Variants in CAND1 observed in about 807,000 individuals in gnomAD.
The protein encoded by CAND1 is cullin-associated NEDD8-dissociated protein 1.
Under a neutral mutation model 108.5 loss-of-function variants are expected in CAND1, and 7 were observed. That is an observed-to-expected ratio of 0.06 (90% CI 0.04 to 0.12). The LOEUF is 0.12. Ranked by LOEUF, CAND1 falls within the 10% of genes least tolerant of loss-of-function variation. The pLI is 1.00. For synonymous variants in CAND1, 534 were observed against 512.0 expected (o/e 1.04, Z -0.58); for missense variants, 941 against 1,448.7 (o/e 0.65, Z 5.69).
intron 2 of CAND1, among the ~76,000 whole-genome samples, chr12:67,285,720 T>G (rs570438300): frequency 9.2e-5 from 14 of 152,342 alleles, no homozygotes; most frequent in African/African-American, 2.9e-4. Context: ...GTCACTATTA[T>G]TCACGTTTTA....
chr12:67,300,969 C>G (rs1204771018), intron 7 of CAND1, among the ~76,000 whole-genome samples: 1 of 151,954 alleles, frequency 6.6e-6, no homozygotes, highest in Non-Finnish European at 1.5e-5. Context: ...GACTTTTCTA[C>G]CATGGTGTTT....
In CAND1 at chr12:67,314,683, T is replaced by C. The variant is rs969838345; in HGVS notation, c.*1853T>C. The C allele has an allele frequency of 1.3e-5, 2 of 152,226 alleles. No individual in the cohort carries two copies. Among genetic ancestry groups the C allele is most frequent in the Non-Finnish European group, 2.9e-5 (2 of 68,034 alleles). 9.4% of individuals were successfully genotyped at this position (152,226 alleles called of 1,614,324 possible). A position where few individuals can be genotyped will look rare whatever the true frequency, so the allele number is the denominator to read the frequency against. On this transcript the variant is annotated 3_prime_UTR_variant, in exon 15 of 15. Transcript: ENST00000545606. The stretch of plus-strand genomic sequence containing the variant: ...GTTGGGTAAAGTTAAATCCAAATAC[T>C]TCAACTGGCTTTTTCTTCAGTTTGT...
rs750553582 is a variant in CAND1, at chr12:67,313,254, T to G, written c.*424T>G. The G allele has an allele frequency of 6.5e-6, 1 of 152,994 alleles. No individual in the cohort carries two copies. Among genetic ancestry groups the G allele is most frequent in the African/African-American group, 2.4e-5 (1 of 41,490 alleles). 9.5% of individuals were successfully genotyped at this position (152,994 alleles called of 1,614,324 possible). A position where few individuals can be genotyped will look rare whatever the true frequency, so the allele number is the denominator to read the frequency against. Reference sequence around the variant, plus strand: ...AAAACAAAAACCATGTTTCTTTTTCTTGTATAACTTTTTGTTTTCAGCAAC... The same window carrying G: ...AAAACAAAAACCATGTTTCTTTTTCGTGTATAACTTTTTGTTTTCAGCAAC... On this transcript the variant is annotated 3_prime_UTR_variant, in exon 15 of 15. Coordinates refer to ENST00000545606, the MANE Select transcript of CAND1 (RefSeq NM_018448.5).
rs1555183015 is a variant in CAND1, at chr12:67,302,484, G to C, written c.1162G>C (p.Glu388Gln). The C allele has an allele frequency of 6.2e-7, 1 of 1,614,136 alleles. No homozygotes were observed. Among genetic ancestry groups the C allele is most frequent in the Non-Finnish European group, 8.5e-7 (1 of 1,179,992 alleles). Residue 388 changes from glutamate to glutamine, a missense_variant, in exon 8 of 15, where the codon GAG becomes CAG. Glu to Gln is a conservative substitution (Grantham distance 29). Coordinates refer to ENST00000545606, the MANE Select transcript of CAND1 (RefSeq NM_018448.5). ...ALISRFKERE[E>Q]NVKADVFHAY... ...AATATCCAGATTTAAAGAGCGTGAAGAGAATGTAAAGGCAGATGTTTTTCA... is the reference window on the plus strand; with the variant it reads ...AATATCCAGATTTAAAGAGCGTGAACAGAATGTAAAGGCAGATGTTTTTCA...
intron 7 of CAND1, among the ~76,000 whole-genome samples, chr12:67,301,872 A>C (rs896215616): frequency 6.6e-6 from 1 of 152,094 alleles, no homozygotes; most frequent in African/African-American, 2.4e-5. Flanking sequence ...CACCTACTCT[A>C]TTACCACAAA....
rs140647661 is a variant in CAND1 at position 67,284,506 on chromosome 12, C to T, written c.212+2453C>T. Among the ~76,000 whole-genome samples, 445 of 152,088 alleles carry T rather than the reference C, an allele frequency of 2.9e-3. 3 individuals are homozygous for T. Among genetic ancestry groups the T allele is most frequent in the Non-Finnish European group, 5.4e-3 (370 of 67,990 alleles). ...ACATTGAATCTTGATTAAAACAAAA[C>T]GAACAAAAGCACTTAGTTTACTTAG... On this transcript the variant is annotated intron_variant, in intron 2 of 14. Coordinates refer to ENST00000545606, the MANE Select transcript of CAND1 (RefSeq NM_018448.5).
chr12:67,269,817 C>T (rs1417088048), intron 1 of CAND1, 32 bp downstream of exon 1: 2 of 1,574,986 alleles, frequency 1.3e-6, no homozygotes, highest in African/African-American at 1.4e-5. Flanking sequence ...CACCCCACCT[C>T]GGGGTTCTCG....
Position 67,306,513 on chromosome 12 carries a change from A to G in CAND1, c.2845A>G (p.Asn949Asp). The G allele has an allele frequency of 6.2e-7, 1 of 1,614,030 alleles. No individual in the cohort carries two copies. Among genetic ancestry groups the G allele is most frequent in the Non-Finnish European group, 8.5e-7 (1 of 1,179,926 alleles). Residue 949 changes from asparagine to aspartate, a missense_variant, in exon 10 of 15, where the codon AAT (asparagine) becomes GAT (aspartate). Coordinates refer to ENST00000545606, the MANE Select transcript of CAND1 (RefSeq NM_018448.5). ...HCECAEEGTR[N>D]VVAECLGKLT... ...TGAGTGTGCAGAGGAAGGAACCAGA[A>G]ATGTTGTTGCTGAATGTCTAGGAAA...
chr12:67,295,907 A>G (rs1366806405), intron 4 of CAND1, among the ~76,000 whole-genome samples: 1 of 152,154 alleles, frequency 6.6e-6, no homozygotes, highest in East Asian at 1.9e-4. Flanking sequence ...CTGGGAGCAT[A>G]GTGTGTTTTG....
chr12:67,288,277 C>T lies in CAND1; in HGVS notation c.213-4345C>T, dbSNP rs964171996. On this transcript the variant is annotated intron_variant, in intron 2 of 14. Coordinates refer to ENST00000545606, the MANE Select transcript of CAND1 (RefSeq NM_018448.5). The stretch of plus-strand genomic sequence containing the variant: ...CCAAGTAACTGTGGTTACAGGCGCA[C>T]ACCATCTCACTTGGCTAATTTTTGT... 2.6e-5 allele frequency among the ~76,000 whole-genome samples: 4 copies of T among 151,768 alleles called. No individual in the cohort carries two copies. In the East Asian group the frequency reaches 5.8e-4, roughly 22 times the overall value.
At position 67,307,569 on chromosome 12, in the gene CAND1, A is replaced by G. The variant is rs2136019324; in HGVS notation, c.3025+77A>G. On this transcript the variant is annotated intron_variant, in intron 11 of 14. Coordinates refer to ENST00000545606, the MANE Select transcript of CAND1 (RefSeq NM_018448.5). The stretch of plus-strand genomic sequence containing the variant: ...AGAAACTCTTGAACTTAGTAACTAG[A>G]AATATCGAGGAATTAAAATGCTTAT... 4.7e-6 allele frequency: 4 copies of G among 853,294 alleles called. No homozygotes were observed. In the East Asian group the frequency reaches 1.1e-4, roughly 23 times the overall value. 52.9% of individuals were successfully genotyped at this position (853,294 alleles called of 1,614,324 possible).
Position 67,305,996 on chromosome 12 carries a change from G to T in CAND1, c.2328G>T (p.Leu776Phe). Residue 776 changes from leucine to phenylalanine, a missense_variant, in exon 10 of 15, where the codon TTG (leucine) becomes TTT (phenylalanine). Physicochemically the swap from Leu to Phe is conservative, Grantham distance 22 (BLOSUM62 0). This residue lies in a region of CAND1 where 697 missense variants were observed against 942.0 expected (regional missense o/e 0.74). Transcript: ENST00000545606. This position sits in a 1 kb window ranked among gnomAD's most constrained non-coding sequence, Gnocchi z 4.4. ...GTNNLGYMDLLRMLTGPVYSQ... is the reference protein window; with the variant it reads ...GTNNLGYMDLFRMLTGPVYSQ... The stretch of plus-strand genomic sequence containing the variant: ...ATAATTTAGGATACATGGATTTGTT[G>T]CGCATGCTGACTGGTCCAGTTTACT... 6.2e-7 allele frequency: 1 copy of T among 1,614,172 alleles called. No homozygotes were observed. Among genetic ancestry groups the T allele is most frequent in the Non-Finnish European group, 8.5e-7 (1 of 1,180,018 alleles).
chr12:67,282,093 C>T lies in CAND1; in HGVS notation c.212+40C>T, dbSNP rs777549618. 3.1e-6 allele frequency: 5 copies of T among 1,601,148 alleles called. No individual in the cohort carries two copies. In the African/African-American group the frequency reaches 4.0e-5, roughly 13 times the overall value. On this transcript the variant is annotated intron_variant, in intron 2 of 14. Transcript: ENST00000545606. ...ACTGGTTGAGTCTTTCTTCCTGCTC[C>T]CCCAACCCTGTTTTTAAAAACTCTA...
chr12:67,310,340 A>G (rs776615188), intron 13 of CAND1, 24 bp downstream of exon 13: 1 of 1,541,012 alleles, frequency 6.5e-7, no homozygotes, highest in Non-Finnish European at 8.9e-7. Context: ...GCCTATTTAT[A>G]CAATGTTTTA....
chr12:67,284,902 T>C (rs907767279), intron 2 of CAND1, among the ~76,000 whole-genome samples: 1 of 141,620 alleles, frequency 7.1e-6, no homozygotes, highest in African/African-American at 2.5e-5. Flanking sequence ...TTGAGGGTAT[T>C]AACCACTTTA....
intron 2 of CAND1, among the ~76,000 whole-genome samples, chr12:67,285,410 A>G (rs897663648): frequency 2.0e-5 from 3 of 152,226 alleles, no homozygotes; most frequent in Non-Finnish European, 4.4e-5. Flanking sequence ...TCCAGAAACT[A>G]GACAAATTGA....
intron 1 of CAND1, among the ~76,000 whole-genome samples, chr12:67,281,673 A>G (rs983997324): frequency 6.6e-6 from 1 of 152,204 alleles, no homozygotes; most frequent in Non-Finnish European, 1.5e-5. Context: ...AAAGCATATC[A>G]GTACTTAAAA....
chr12:67,271,260 T>C (rs2044518089), intron 1 of CAND1, among the ~76,000 whole-genome samples: 1 of 152,080 alleles, frequency 6.6e-6, no homozygotes, highest in South Asian at 2.1e-4. Context: ...GAAATAAAGG[T>C]TTTGTGTTGT....
At chr12:67,295,551 A>C (rs2044761532) in intron 4 of CAND1, among the ~76,000 whole-genome samples, 1 of 152,130 alleles carries the variant, frequency 6.6e-6, no homozygotes, top group African/African-American at 2.4e-5. Flanking sequence ...AATAGTGCAT[A>C]TTTTAGGGGA....
Sources: allele counts gnomAD v4.1 joint callset (sites outside exome capture counted in the v4.1 genomes callset), GRCh38; gene constraint gnomAD v4.1.1; regional missense constraint gnomAD v4.1.1; non-coding constraint Gnocchi (gnomAD v3.1); transcripts MANE v1.5; gene names NCBI Gene and HGNC (gene_info 2026-07-23, HGNC 2026-07-21).